The following APCDD1L variants were observed in gnomAD, a reference collection of about 807,000 sequenced individuals.
APCDD1L encodes the protein protein APCDD1-like.
APCDD1L carries 21 observed loss-of-function variants against 24.2 expected under a neutral mutation model. The observed-to-expected ratio is 0.87, with a 90% CI of 0.61 to 1.25. The LOEUF (loss-of-function observed/expected upper bound fraction) is 1.25. Ranked by LOEUF, APCDD1L falls within the 50% of genes most tolerant of loss-of-function variation. APCDD1L has a pLI of 0.00. For missense variants in APCDD1L, 704 were observed against 711.7 expected, an observed-to-expected ratio of 0.99 and a Z score of 0.12; for synonymous variants, 321 against 323.6, an observed-to-expected ratio of 0.99 and a Z score of 0.09.
chr20:58,507,443 C>T (rs548712327), intron 1 of APCDD1L, among the ~76,000 whole-genome samples: 1 of 152,050 alleles, frequency 6.6e-6, no homozygotes, highest in Non-Finnish European at 1.5e-5. Context: ...TGTCTTTTTT[C>T]TCTGAGGTAA....
At chr20:58,505,885 G>T (rs1236079999) in intron 1 of APCDD1L, among the ~76,000 whole-genome samples, 1 of 152,162 alleles carries the variant, frequency 6.6e-6, no homozygotes, top group Non-Finnish European at 1.5e-5. Flanking sequence ...GGGAGAAGAG[G>T]TCCACATGGC....
intron 1 of APCDD1L, among the ~76,000 whole-genome samples, chr20:58,485,934 G>GGCCTAGA (rs1990111204): frequency 1.3e-5 from 2 of 152,188 alleles, no homozygotes; most frequent in Admixed American, 6.5e-5. Context: ...GGCAGACCAG[G>GGCCTAGA]GCCTAGAGTG....
chr20:58,480,765 C>T (rs530716494), intron 1 of APCDD1L, among the ~76,000 whole-genome samples: 81 of 152,244 alleles, frequency 5.3e-4, no homozygotes, highest in South Asian at 2.3e-3. Flanking sequence ...TGTTCCAGAA[C>T]GAAAACTGTG....
At chr20:58,470,789 G>T (rs546741857) in intron 1 of APCDD1L, 42 bp from the exon 2 acceptor site, 1 of 1,499,520 alleles carries the variant, frequency 6.7e-7, no homozygotes, top group African/African-American at 1.4e-5. Flanking sequence ...AGCATGCCCC[G>T]GGAACACCCA....
chr20:58,507,911 A>G lies in APCDD1L; in HGVS notation c.49+6748T>C, dbSNP rs377591195. ...CACAAACATTTGCTTCTCCTTGCTC[A>G]TAATTATAGGAATCCAAATCAAAAC... On this transcript the variant is annotated intron_variant, in intron 1 of 3. Coordinates refer to ENST00000371149, the MANE Select transcript of APCDD1L (RefSeq NM_153360.3). 1.5e-3 allele frequency among the ~76,000 whole-genome samples: 234 copies of G among 152,358 alleles called. 2 individuals carry two copies. The highest frequency in any genetic ancestry group is 5.3e-3 in the African/African-American group (219 of 41,594).
intron 2 of APCDD1L, among the ~76,000 whole-genome samples, chr20:58,470,407 G>C (rs1329806843): frequency 6.6e-6 from 1 of 152,228 alleles, no homozygotes; most frequent in African/African-American, 2.4e-5. Flanking sequence ...AATGGATTTT[G>C]ACCATGGACG....
At chr20:58,487,672 T>C (rs1373849946) in intron 1 of APCDD1L, among the ~76,000 whole-genome samples, 2 of 152,112 alleles carry the variant, frequency 1.3e-5, no homozygotes, top group Non-Finnish European at 2.9e-5. Context: ...GGTGGCTACA[T>C]CAAAATCAGG....
At chr20:58,472,895 G>A (rs1196096541) in intron 1 of APCDD1L, among the ~76,000 whole-genome samples, 3 of 152,214 alleles carry the variant, frequency 2.0e-5, no homozygotes, top group Non-Finnish European at 4.4e-5. Context: ...CTCGCCAGGA[G>A]TCCTGAGCTG....
chr20:58,460,920 G>T lies in APCDD1L; in HGVS notation c.1376C>A (p.Ala459Asp). The T allele has an allele frequency of 6.2e-7, 1 of 1,612,466 alleles. No homozygotes were observed. Residue 459 changes from alanine (A) to aspartate (D), a missense_variant, in exon 4 of 4, where the codon GCC (alanine) becomes GAC (aspartate). Physicochemically the swap from Ala to Asp is moderately radical, Grantham distance 126 (BLOSUM62 -2). Transcript: ENST00000371149. This position sits in a 1 kb window ranked among gnomAD's most constrained non-coding sequence, Gnocchi z 4.2. ...QAPLVLCHGE[A>D]PDFSRPPQHR... ...CTGCGGTGGCCTGGAGAAGTCGGGGGCCTCCCCATGACAGAGCACCAGGGG... is the reference window on the plus strand; with the variant it reads ...CTGCGGTGGCCTGGAGAAGTCGGGGTCCTCCCCATGACAGAGCACCAGGGG...
intron 1 of APCDD1L, chr20:58,513,928 C>A (rs925065796): frequency 4.6e-6 from 6 of 1,303,024 alleles, no homozygotes; most frequent in Non-Finnish European, 6.1e-6. Flanking sequence ...GGGGATGAGC[C>A]CCCAGCTGGG....
Position 58,502,425 on chromosome 20 carries a change from G to C in APCDD1L, c.49+12234C>G, listed in dbSNP as rs560355881. On this transcript the variant is annotated intron_variant, in intron 1 of 3. Transcript: ENST00000371149. Reference sequence around the variant, plus strand: ...CTTTGGTGTATTTGTTTTCTAATCTGTATGTCCTACCTCTGCCCCATACCA... The same window carrying C: ...CTTTGGTGTATTTGTTTTCTAATCTCTATGTCCTACCTCTGCCCCATACCA... Among the ~76,000 whole-genome samples, 4 of 152,256 alleles carry C rather than the reference G, an allele frequency of 2.6e-5. No individual in the cohort carries two copies. In the South Asian group the frequency reaches 8.3e-4, roughly 32 times the overall value.
chr20:58,496,123 G>A (rs1329146150), intron 1 of APCDD1L, among the ~76,000 whole-genome samples: 1 of 152,230 alleles, frequency 6.6e-6, no homozygotes, highest in African/African-American at 2.4e-5. Context: ...TTGGTTTTCT[G>A]AATCCTAAAA....
chr20:58,499,057 G>A (rs1990379668), intron 1 of APCDD1L, among the ~76,000 whole-genome samples: 1 of 152,222 alleles, frequency 6.6e-6, no homozygotes, highest in East Asian at 1.9e-4. Context: ...CAGTGAGGTG[G>A]AACTTGACTT....
At chr20:58,465,973 G>GA (rs1193983407) in intron 3 of APCDD1L, among the ~76,000 whole-genome samples, 6 of 151,946 alleles carry the variant, frequency 3.9e-5, no homozygotes, top group African/African-American at 1.5e-4. Flanking sequence ...ATTTTCTGAG[G>GA]GGGGTTCCTT....
rs1407011810 is a variant in APCDD1L, at chr20:58,459,471, C to T, written c.*1319G>A. The T allele has an allele frequency of 1.3e-5, 2 of 152,092 alleles. No individual in the cohort carries two copies. The highest frequency in any genetic ancestry group is 2.4e-5 in the African/African-American group (1 of 41,380). 9.4% of individuals were successfully genotyped at this position (152,092 alleles called of 1,614,324 possible). ...GGCTTCCCTCTGAAACCATCATTAA[C>T]CTCACAGACAATTGTTCAAAATCTG... is the stretch of plus-strand genomic sequence containing the variant. On this transcript the variant is annotated 3_prime_UTR_variant, in exon 4 of 4. Coordinates refer to ENST00000371149, the MANE Select transcript of APCDD1L (RefSeq NM_153360.3).
In APCDD1L at chr20:58,499,641, C is replaced by T. The variant is rs73915896; in HGVS notation, c.49+15018G>A. Among the ~76,000 whole-genome samples, 252 of 152,320 alleles carry T rather than the reference C, an allele frequency of 1.7e-3. 1 individual carries two copies. The highest frequency in any genetic ancestry group is 5.5e-3 in the African/African-American group (228 of 41,566). On this transcript the variant is annotated intron_variant, in intron 1 of 3. Transcript: ENST00000371149. ...TCCACCTCAGTGCCCTTCCCAAGCA[C>T]GTTCATAGGAAGGGGCTCCTGGCCC...
At position 58,461,548 on chromosome 20, in the gene APCDD1L, C is replaced by T. The variant is rs746369561; in HGVS notation, c.748G>A (p.Val250Met). 1.3e-4 allele frequency: 189 copies of T among 1,418,332 alleles called. No homozygotes were observed. The highest frequency in any genetic ancestry group is 1.9e-4 in the Middle Eastern group (1 of 5,218). The allele number at this position is 1,418,332 out of a possible 1,614,324, so 87.9% of individuals were successfully genotyped here. A position where few individuals can be genotyped will look rare whatever the true frequency, so the allele number is the denominator to read the frequency against. ...QRPLQSALHHVQPCPACGLIA... is the reference protein window; with the variant it reads ...QRPLQSALHHMQPCPACGLIA... ...AGGCCACAGGCTGGGCACGGCTGCA[C>T]GTGGTGCTGGCAAAAGACAAACAGA... Residue 250 changes from valine (V) to methionine (M), a missense_variant, in exon 4 of 4, where the codon GTG becomes ATG. By Grantham distance (21) the Val-to-Met change is conservative. Transcript: ENST00000371149. This position sits in a 1 kb window ranked among gnomAD's most constrained non-coding sequence, Gnocchi z 6.0.
chr20:58,486,279 T>C (rs948344437), intron 1 of APCDD1L, among the ~76,000 whole-genome samples: 4 of 152,020 alleles, frequency 2.6e-5, no homozygotes, highest in South Asian at 2.1e-4. Flanking sequence ...ATCTGGAAAA[T>C]GAACAAATAA....
rs147475186 is a variant in APCDD1L at position 58,479,929 on chromosome 20, G to T, written c.50-9182C>A. ...AGTCACTGCACAAAAGGCATGCAGG[G>T]TTTGCACCAGAACACCCCCAGAAGG... On this transcript the variant is annotated intron_variant, in intron 1 of 3. Coordinates refer to ENST00000371149, the MANE Select transcript of APCDD1L (RefSeq NM_153360.3). Among the ~76,000 whole-genome samples, 315 of 152,302 alleles carry T rather than the reference G, an allele frequency of 2.1e-3. 3 individuals carry two copies. The highest frequency in any genetic ancestry group is 7.2e-3 in the African/African-American group (298 of 41,564).
Sources: allele counts gnomAD v4.1 joint callset (sites outside exome capture counted in the v4.1 genomes callset), GRCh38; gene constraint gnomAD v4.1.1; non-coding constraint Gnocchi (gnomAD v3.1); transcripts MANE v1.5; gene names NCBI Gene and HGNC (gene_info 2026-07-23, HGNC 2026-07-21).